FAM86B1: variants seen among roughly 807,000 people sequenced by gnomAD.
FAM86B1 encodes the protein putative protein N-methyltransferase FAM86B1.
For missense variants in FAM86B1, 13 were observed against 328.1 expected, an observed-to-expected ratio of 0.04 and a Z score of 7.42; for synonymous variants, 4 against 137.6, an observed-to-expected ratio of 0.03 and a Z score of 6.79.
chr8:12,192,830 G>A (rs1401539979), intron 1 of FAM86B1, among the ~76,000 whole-genome samples: 1 of 150,468 alleles, frequency 6.6e-6, no homozygotes, highest in Non-Finnish European at 1.5e-5. Flanking sequence ...CATGAGCCAG[G>A]CACTGATCCG....
At chr8:12,194,899 C>G (rs1210345880), upstream of FAM86B1, 1 of 150,510 alleles carries the variant, frequency 6.6e-6, no homozygotes, top group Non-Finnish European at 1.4e-5. Flanking sequence ...GGAGGCGTTA[C>G]CTGCGGAGGG....
intron 6 of FAM86B1, among the ~76,000 whole-genome samples, chr8:12,184,085 G>T (rs570915055): frequency 1.6e-5 from 1 of 63,696 alleles, no homozygotes; most frequent in Non-Finnish European, 2.8e-5. Flanking sequence ...AAAAAAAAAA[G>T]GTTGGTTGAG....
intron 2 of FAM86B1, among the ~76,000 whole-genome samples, chr8:12,190,292 G>A (rs1312535407): frequency 6.7e-6 from 1 of 148,504 alleles, no homozygotes; most frequent in Non-Finnish European, 1.5e-5. Context: ...GGACAGGATG[G>A]AGGGGAGGGG....
At chr8:12,191,024 G>GC (rs1806767784) in intron 2 of FAM86B1, among the ~76,000 whole-genome samples, 1 of 148,982 alleles carries the variant, frequency 6.7e-6, no homozygotes, top group Non-Finnish European at 1.5e-5. Context: ...CTACTGTATT[G>GC]CCCCGAAAGT....
intron 3 of FAM86B1, among the ~76,000 whole-genome samples, chr8:12,189,381 A>T (rs1256724775): frequency 1.7e-5 from 2 of 118,702 alleles, no homozygotes; most frequent in East Asian, 2.3e-4. Context: ...CACCAGAGGA[A>T]CTAGTTCCAA....
At chr8:12,187,207 T>G (rs1321108272) in intron 3 of FAM86B1, among the ~76,000 whole-genome samples, 4 of 9,278 alleles carry the variant, frequency 4.3e-4, no homozygotes, top group African/African-American at 5.3e-4. Flanking sequence ...TTTTATCTCA[T>G]TTTTTTTTTT....
At chr8:12,192,755 C>A (rs77639039) in intron 1 of FAM86B1, among the ~76,000 whole-genome samples, 2 of 145,284 alleles carry the variant, frequency 1.4e-5, no homozygotes, top group Non-Finnish European at 3.0e-5. Context: ...GCCTGGCTCA[C>A]GGAAGGCATT....
At chr8:12,190,962 T>C (rs1806749200) in intron 2 of FAM86B1, among the ~76,000 whole-genome samples, 2 of 137,706 alleles carry the variant, frequency 1.5e-5, no homozygotes, top group African/African-American at 5.7e-5. Context: ...AGGGTGAAAC[T>C]CAGAGCAAGG....
At position 12,186,124 on chromosome 8, in the gene FAM86B1, C is replaced by T. The variant is rs555589094; in HGVS notation, c.640+228G>A. 6 of 330,480 alleles carry T rather than the reference C, an allele frequency of 1.8e-5. 1 individual carries two copies. The highest frequency in any genetic ancestry group is 9.9e-5 in the African/African-American group (1 of 10,132). 20.5% of individuals were successfully genotyped at this position (330,480 alleles called of 1,614,324 possible). A position where few individuals can be genotyped will look rare whatever the true frequency, so the allele number is the denominator to read the frequency against. ...GCTCTGGGACAGAGCCATGTGGTGACGACTGTAACTGTAGTATGCCTGTCT... is the reference window on the plus strand; with the variant it reads ...GCTCTGGGACAGAGCCATGTGGTGATGACTGTAACTGTAGTATGCCTGTCT... On this transcript the variant is annotated intron_variant, in intron 5 of 6. Transcript: ENST00000448228.
chr8:12,189,257 TATAAATAAATAAATAAATAAATAA>T (rs777926231), intron 3 of FAM86B1, among the ~76,000 whole-genome samples: 5 of 82,494 alleles, frequency 6.1e-5, no homozygotes, highest in South Asian at 4.0e-4. Flanking sequence ...AAAAAAAATA[TATAAATAAATAAATAAATAAATAA>T]ATAAATAAAT....
In FAM86B1 at chr8:12,182,903, T is replaced by G; in HGVS notation, c.*703A>C. On this transcript the variant is annotated 3_prime_UTR_variant, in exon 7 of 7. Transcript: ENST00000448228. ...GCCCTGATTTCTTCTTTGGAGTCTCTGAAATGCTTCCTGTCTTCTGTTCTT... is the reference window on the plus strand; with the variant it reads ...GCCCTGATTTCTTCTTTGGAGTCTCGGAAATGCTTCCTGTCTTCTGTTCTT... The G allele has an allele frequency of 1.7e-6, 1 of 599,882 alleles. No individual in the cohort carries two copies. The highest frequency in any genetic ancestry group is 2.9e-6 in the Non-Finnish European group (1 of 343,582). 37.2% of individuals were successfully genotyped at this position (599,882 alleles called of 1,614,324 possible).
intron 3 of FAM86B1, among the ~76,000 whole-genome samples, chr8:12,189,523 G>C (rs1185226646): frequency 5.1e-5 from 3 of 58,408 alleles, no homozygotes; most frequent in African/African-American, 2.9e-4. Flanking sequence ...CTGTGGGCTG[G>C]TCCAGCCTGG....
At chr8:12,192,577 G>C (rs1329373485) in intron 1 of FAM86B1, among the ~76,000 whole-genome samples, 1 of 117,614 alleles carries the variant, frequency 8.5e-6, no homozygotes, top group Non-Finnish European at 1.7e-5. Flanking sequence ...AGGCTTCCCT[G>C]ATTCCCTGAC....
chr8:12,194,297 G>T (rs1807484810), upstream of FAM86B1, among the ~76,000 whole-genome samples: 1 of 148,014 alleles, frequency 6.8e-6, no homozygotes, highest in Admixed American at 6.6e-5. Flanking sequence ...GCAGGTCCTG[G>T]GTAGAGTCCA....
intron 1 of FAM86B1, among the ~76,000 whole-genome samples, chr8:12,192,767 A>C (rs1277092046): frequency 2.7e-5 from 4 of 148,770 alleles, no homozygotes; most frequent in African/African-American, 1.0e-4. Context: ...GAAGGCATTT[A>C]TTAAACATTT....
chr8:12,193,028 A>T (rs1227256926), intron 1 of FAM86B1, among the ~76,000 whole-genome samples: 1 of 143,558 alleles, frequency 7.0e-6, no homozygotes, highest in Non-Finnish European at 1.5e-5. Flanking sequence ...CAACTACTTC[A>T]CCCTAATCAA....
At chr8:12,192,734 C>T (rs1414894382) in intron 1 of FAM86B1, among the ~76,000 whole-genome samples, 20 of 143,010 alleles carry the variant, frequency 1.4e-4, no homozygotes, top group East Asian at 9.8e-4. Flanking sequence ...TGGGTACTGC[C>T]GATCCATGGT....
Position 12,182,474 on chromosome 8 carries a change from T to C in FAM86B1, c.*1132A>G. On this transcript the variant is annotated 3_prime_UTR_variant, in exon 7 of 7. Coordinates refer to ENST00000448228, the MANE Select transcript of FAM86B1 (RefSeq NM_001083537.4). ...GGGTCTCAAGTCCAAGTGAGGGAGT[T>C]AGGGACTTGGGAGGGGTTGTTGTTG... 4.6e-6 allele frequency: 6 copies of C among 1,302,040 alleles called. No homozygotes were observed. The highest frequency in any genetic ancestry group is 1.3e-5 in the South Asian group (1 of 76,114). 80.7% of individuals were successfully genotyped at this position (1,302,040 alleles called of 1,614,324 possible).
chr8:12,186,099 G>T, intron 5 of FAM86B1: 1 of 314,800 alleles, frequency 3.2e-6, no homozygotes, highest in South Asian at 2.9e-5. Flanking sequence ...ACAGGGCATG[G>T]CTCTGGGACA....
Sources: gnomAD v4.1 joint callset for allele counts (sites outside exome capture counted in the v4.1 genomes callset) on GRCh38, gnomAD v4.1.1 for gene constraint, MANE v1.5 for transcripts, NCBI Gene and HGNC (gene_info 2026-07-23, HGNC 2026-07-21) for gene names.